The following KCNJ15 variants were observed in gnomAD, a reference collection of about 807,000 sequenced individuals.
KCNJ15 encodes the protein ATP-sensitive inward rectifier potassium channel 15.
In KCNJ15, 14 loss-of-function variants were observed where a neutral mutation model predicts 23.0. That is an observed-to-expected ratio of 0.61 (90% CI 0.40 to 0.95). The LOEUF is 0.95. Ranked by LOEUF, KCNJ15 falls within the 40% of genes least tolerant of loss-of-function variation. KCNJ15 has a pLI of 0.00. For missense variants in KCNJ15, 388 were observed against 461.8 expected (o/e 0.84, Z 1.46); for synonymous variants, 185 against 183.2 (o/e 1.01, Z -0.08).
At chr21:38,272,775 C>T (rs1982239558) in intron 1 of KCNJ15, among the ~76,000 whole-genome samples, 2 of 152,122 alleles carry the variant, frequency 1.3e-5, no homozygotes, top group South Asian at 2.1e-4. Flanking sequence ...AAACTACCAG[C>T]GCTTAACAAT....
Position 38,299,442 on chromosome 21 carries a change from A to C in KCNJ15, c.181A>C (p.Met61Leu), listed in dbSNP as rs756694827. 1 of 1,614,080 alleles carries C rather than the reference A, an allele frequency of 6.2e-7. No homozygotes were observed. Among genetic ancestry groups the C allele is most frequent in the Non-Finnish European group, 8.5e-7 (1 of 1,180,028 alleles). The stretch of plus-strand genomic sequence containing the variant: ...AGACCTGTGGACCACAGTTATCGAC[A>C]TGAAGTGGAGATACAAACTCACCCT... ...LQDLWTTVIDMKWRYKLTLFA... is the reference protein window; with the variant it reads ...LQDLWTTVIDLKWRYKLTLFA... Residue 61 changes from methionine (M) to leucine (L), a missense_variant, in exon 3 of 3, where the codon ATG (methionine) becomes CTG (leucine). Coordinates refer to ENST00000398938, the MANE Select transcript of KCNJ15 (RefSeq NM_170736.3). This position sits in a 1 kb window ranked among gnomAD's most constrained non-coding sequence, Gnocchi z 4.5.
intron 1 of KCNJ15, among the ~76,000 whole-genome samples, chr21:38,245,736 A>G (rs1979332248): frequency 6.6e-6 from 1 of 152,164 alleles, no homozygotes; most frequent in Non-Finnish European, 1.5e-5. Context: ...AGAGAAAGGA[A>G]GGAAGGAGAA....
rs1335460876 is a variant in KCNJ15, at chr21:38,257,142, A to G, written c.-160A>G. The G allele has an allele frequency of 2.0e-5, 3 of 152,242 alleles. No homozygotes were observed. The highest frequency in any genetic ancestry group is 4.4e-5 in the Non-Finnish European group (3 of 68,042). The allele number at this position is 152,242 out of a possible 1,614,324, so 9.4% of individuals were successfully genotyped here. On this transcript the variant is annotated 5_prime_UTR_variant, in exon 1 of 3. The change creates a new upstream start codon in the 5' untranslated region. Transcript: ENST00000398938. Reference sequence around the variant, plus strand: ...ACTGAGCATTTCTCTGACTTGACATAACTTCCCATCCAGCCAGGAGTCTGC... The same window carrying G: ...ACTGAGCATTTCTCTGACTTGACATGACTTCCCATCCAGCCAGGAGTCTGC...
intron 1 of KCNJ15, among the ~76,000 whole-genome samples, chr21:38,249,977 C>T (rs1022156043): frequency 2.0e-5 from 3 of 152,160 alleles, no homozygotes; most frequent in Non-Finnish European, 2.9e-5. Flanking sequence ...AAGGAATAGT[C>T]AAGAGTTTGA....
intron 1 of KCNJ15, among the ~76,000 whole-genome samples, chr21:38,290,208 TC>T (rs1238396867): frequency 6.6e-6 from 1 of 152,090 alleles, no homozygotes; most frequent in Non-Finnish European, 1.5e-5. Context: ...GGCAAATGAG[TC>T]CCCTGTTGGG....
intron 1 of KCNJ15, among the ~76,000 whole-genome samples, chr21:38,235,511 G>C (rs774658047): frequency 6.6e-5 from 10 of 152,118 alleles, no homozygotes; most frequent in Non-Finnish European, 8.8e-5. Context: ...CCAAAGTCGT[G>C]CCACTGCACT....
At chr21:38,256,882 C>T (rs904638199), upstream of KCNJ15, 3 of 151,698 alleles carry the variant, frequency 2.0e-5, no homozygotes, top group African/African-American at 7.3e-5. Flanking sequence ...CCCACTCTCT[C>T]TCTCTGTCTC....
Position 38,300,028 on chromosome 21 carries a change from A to G in KCNJ15, c.767A>G (p.His256Arg). ...PFLILPMTFY[H>R]VLDETSPLRD... ...CTCATTCTGCCCATGACATTCTACC[A>G]TGTGCTGGATGAGACGAGCCCCCTG... Residue 256 changes from histidine (H) to arginine (R), a missense_variant, in exon 3 of 3, where the codon CAT (histidine) becomes CGT (arginine). Transcript: ENST00000398938. 2 of 1,613,966 alleles carry G rather than the reference A, an allele frequency of 1.2e-6. No individual in the cohort carries two copies. The highest frequency in any genetic ancestry group is 1.7e-6 in the Non-Finnish European group (2 of 1,179,986).
chr21:38,243,788 G>T (rs1051748812), intron 1 of KCNJ15, among the ~76,000 whole-genome samples: 21 of 152,156 alleles, frequency 1.4e-4, no homozygotes, highest in African/African-American at 4.8e-4. Context: ...AACAATTTGT[G>T]AACAAATGGG....
intron 1 of KCNJ15, among the ~76,000 whole-genome samples, chr21:38,264,514 G>A (rs1180729516): frequency 6.6e-6 from 1 of 152,178 alleles, no homozygotes; most frequent in Non-Finnish European, 1.5e-5. Flanking sequence ...GTGCTTTCAG[G>A]GCATGGCCCA....
rs752858227 is a variant in KCNJ15 at position 38,300,011 on chromosome 21, G to T, written c.750G>T (p.Leu250=). 6.2e-7 allele frequency: 1 copy of T among 1,613,960 alleles called. No homozygotes were observed. The highest frequency in any genetic ancestry group is 2.2e-5 in the East Asian group (1 of 44,866). Residue 250 remains leucine (L), a synonymous_variant, in exon 3 of 3, where the codon CTG becomes CTT. Coordinates refer to ENST00000398938, the MANE Select transcript of KCNJ15 (RefSeq NM_170736.3). ...DSSSESPFLI[L]PMTFYHVLDE... ...CCTCTGAGAGCCCCTTCCTCATTCT[G>T]CCCATGACATTCTACCATGTGCTGG...
intron 1 of KCNJ15, among the ~76,000 whole-genome samples, chr21:38,278,968 A>G (rs753123338): frequency 1.3e-5 from 2 of 152,186 alleles, no homozygotes; most frequent in Admixed American, 6.5e-5. Flanking sequence ...AGAGAGGACA[A>G]CTTGAGATGG....
intron 1 of KCNJ15, among the ~76,000 whole-genome samples, chr21:38,242,966 T>C (rs1979112084): frequency 1.3e-5 from 2 of 152,166 alleles, no homozygotes; most frequent in African/African-American, 4.8e-5. Flanking sequence ...AATGATTAAA[T>C]CAAATGGTGT....
intron 1 of KCNJ15, among the ~76,000 whole-genome samples, chr21:38,288,283 C>T (rs4524187): frequency 0.66 from 99,676 of 151,376 alleles, 33,488 homozygotes; most frequent in Non-Finnish European, 0.73. Flanking sequence ...CCTTGTGATC[C>T]GCCTGCCTCG....
chr21:38,263,581 C>T (rs1981147804), intron 1 of KCNJ15, among the ~76,000 whole-genome samples: 1 of 152,280 alleles, frequency 6.6e-6, no homozygotes, highest in Admixed American at 6.5e-5. Flanking sequence ...CAGAACTGTC[C>T]ACCACCTCCT....
At chr21:38,242,042 G>A (rs573128144) in intron 1 of KCNJ15, among the ~76,000 whole-genome samples, 4 of 151,678 alleles carry the variant, frequency 2.6e-5, no homozygotes, top group South Asian at 4.2e-4. Flanking sequence ...TCCCAGAGTC[G>A]GTGTTTGAAA....
chr21:38,302,630 C>G lies in KCNJ15; in HGVS notation c.*2241C>G, dbSNP rs1214457552. The G allele has an allele frequency of 6.6e-6, 1 of 152,046 alleles. No individual in the cohort carries two copies. Among genetic ancestry groups the G allele is most frequent in the Non-Finnish European group, 1.5e-5 (1 of 67,992 alleles). The allele number at this position is 152,046 out of a possible 1,614,324, so 9.4% of individuals were successfully genotyped here. On this transcript the variant is annotated 3_prime_UTR_variant, in exon 3 of 3. Coordinates refer to ENST00000398938, the MANE Select transcript of KCNJ15 (RefSeq NM_170736.3). ...TTACTGTATAGTGTGGTATAATCAA[C>G]AAAAAATAATGCCACGGGCATGTTT... is the stretch of plus-strand genomic sequence containing the variant.
chr21:38,244,446 A>G (rs1568983403), intron 1 of KCNJ15, among the ~76,000 whole-genome samples: 1 of 152,166 alleles, frequency 6.6e-6, no homozygotes, highest in Non-Finnish European at 1.5e-5. Context: ...TTAAGATCAG[A>G]ATATAGATCT....
At chr21:38,288,290 C>G (rs1442777710) in intron 1 of KCNJ15, among the ~76,000 whole-genome samples, 4 of 151,766 alleles carry the variant, frequency 2.6e-5, no homozygotes, top group African/African-American at 7.3e-5. Context: ...ATCCGCCTGC[C>G]TCGGCGTCCC....
Sources: allele counts gnomAD v4.1 joint callset (sites outside exome capture counted in the v4.1 genomes callset), GRCh38; gene constraint gnomAD v4.1.1; non-coding constraint Gnocchi (gnomAD v3.1); transcripts MANE v1.5; gene names NCBI Gene and HGNC (gene_info 2026-07-23, HGNC 2026-07-21).